KCNJ6: variants seen among roughly 807,000 people sequenced by gnomAD.
KCNJ6 encodes the protein potassium inwardly rectifying channel subfamily J member 6.
A neutral mutation model predicts 34.2 loss-of-function variants in KCNJ6; 9 were observed. The observed-to-expected ratio is 0.26, with a 90% CI of 0.16 to 0.46. The LOEUF is 0.46. Among genes scored for constraint, KCNJ6 ranks in the 20% least tolerant of loss-of-function variants. The pLI is 1.00. For missense variants in KCNJ6, 236 were observed against 531.3 expected (o/e 0.44, Z 5.46); for synonymous variants, 196 against 207.1 (o/e 0.95, Z 0.46).
chr21:37,817,179 G>C (rs769914998), intron 2 of KCNJ6, among the ~76,000 whole-genome samples: 2 of 152,162 alleles, frequency 1.3e-5, no homozygotes, highest in African/African-American at 2.4e-5. Context: ...AACAAAAATG[G>C]CTCTTAGAAT....
chr21:37,904,296 C>CATG (rs1187861557), intron 1 of KCNJ6, among the ~76,000 whole-genome samples: 1 of 152,156 alleles, frequency 6.6e-6, no homozygotes, highest in Non-Finnish European at 1.5e-5. Flanking sequence ...TTGTACTTCC[C>CATG]ATGAGAGCTG....
In KCNJ6 at chr21:37,661,614, G is replaced by GTTTTTTTTT. The variant is rs59026391; in HGVS notation, c.947-36139_947-36131dup. 8.7e-4 allele frequency among the ~76,000 whole-genome samples: 62 copies of GTTTTTTTTT among 71,194 alleles called. 13 individuals carry two copies. The highest frequency in any genetic ancestry group is 1.7e-3 in the African/African-American group (32 of 18,704). 46.7% of individuals were successfully genotyped at this position (71,194 alleles called of 152,430 possible). A position where few individuals can be genotyped will look rare whatever the true frequency, so the allele number is the denominator to read the frequency against. On this transcript the variant is annotated intron_variant, in intron 3 of 3. Transcript: ENST00000609713. ...TCCACCCATTTCCTTAAGAGACATA[G>GTTTTTTTTT]TTTTTTTTTTTTTTTTTTTTTTTTT...
intron 3 of KCNJ6, among the ~76,000 whole-genome samples, chr21:37,684,714 G>A (rs888298473): frequency 5.9e-5 from 9 of 152,218 alleles, no homozygotes; most frequent in Non-Finnish European, 8.8e-5. Context: ...CAGATTATTC[G>A]GTGAAAAGTG....
Position 37,774,182 on chromosome 21 carries a change from G to A in KCNJ6, c.26-59051C>T, listed in dbSNP as rs374539189. ...AGGTTCTGCCCCTTGCTAACTGCTC[G>A]ACCTCAGGTAAGTTTCTTAATCTCT... On this transcript the variant is annotated intron_variant, in intron 2 of 3. Coordinates refer to ENST00000609713, the MANE Select transcript of KCNJ6 (RefSeq NM_002240.5). Among the ~76,000 whole-genome samples, 20 of 152,166 alleles carry A rather than the reference G, an allele frequency of 1.3e-4. No homozygotes were observed. The East Asian group carries it at 2.1e-3, about 16-fold the overall frequency.
intron 2 of KCNJ6, among the ~76,000 whole-genome samples, chr21:37,806,765 T>C (rs1280075346): frequency 6.6e-6 from 1 of 152,234 alleles, no homozygotes; most frequent in Non-Finnish European, 1.5e-5. Context: ...ATGTGTGCAG[T>C]GTATTTTTGC....
chr21:37,898,247 T>C (rs1220361135), intron 1 of KCNJ6, among the ~76,000 whole-genome samples: 2 of 152,246 alleles, frequency 1.3e-5, no homozygotes, highest in Non-Finnish European at 2.9e-5. Context: ...TTACCGGTCA[T>C]GGAAAGTTCT....
chr21:37,905,567 G>C (rs2055837558), intron 1 of KCNJ6, among the ~76,000 whole-genome samples: 1 of 152,156 alleles, frequency 6.6e-6, no homozygotes, highest in Non-Finnish European at 1.5e-5. Flanking sequence ...AAACGCTACT[G>C]TTCTTCCAAG....
At chr21:37,876,541 C>A (rs1214363208) in intron 1 of KCNJ6, among the ~76,000 whole-genome samples, 1 of 151,978 alleles carries the variant, frequency 6.6e-6, no homozygotes, top group East Asian at 1.9e-4. Flanking sequence ...ATTAAAATCA[C>A]CCAAAATAAT....
In KCNJ6 at chr21:37,622,794, GT is replaced by G. The variant is rs1308665366; in HGVS notation, c.*2364del. The G allele has an allele frequency of 6.6e-6, 1 of 152,272 alleles. No individual in the cohort carries two copies. Among genetic ancestry groups the G allele is most frequent in the Non-Finnish European group, 1.5e-5 (1 of 68,070 alleles). 9.4% of individuals were successfully genotyped at this position (152,272 alleles called of 1,614,324 possible). ...TGCTCTTCCAACCAGACACGGGGGT[GT>G]GCGCTGTCCTTTAAACCTTAGCAAT... On this transcript the variant is annotated 3_prime_UTR_variant, in exon 4 of 4. Coordinates refer to ENST00000609713, the MANE Select transcript of KCNJ6 (RefSeq NM_002240.5).
At chr21:37,745,968 A>G (rs928301263) in intron 2 of KCNJ6, among the ~76,000 whole-genome samples, 1 of 152,146 alleles carries the variant, frequency 6.6e-6, no homozygotes, top group African/African-American at 2.4e-5. Flanking sequence ...ACCCAAGCTC[A>G]AGGTGCCGGC....
intron 3 of KCNJ6, among the ~76,000 whole-genome samples, chr21:37,645,017 G>GTTTTTTTTTTTT: frequency 7.6e-6 from 1 of 130,818 alleles, no homozygotes; most frequent in Non-Finnish European, 1.6e-5. Flanking sequence ...AAACAGGTGG[G>GTTTTTTTTTTTT]TTTTTTTTTT....
rs1569429398 is a variant in KCNJ6 at position 37,614,746 on chromosome 21, CTGTATG to C, written c.*10407_*10412del. Reference sequence around the variant, plus strand: ...TGCGTGTGTGTGTATGCGCATGTCTCTGTATGTGTGTGTATGCATGTGTCTGTGTGT... The same window carrying C: ...TGCGTGTGTGTGTATGCGCATGTCTCTGTGTGTATGCATGTGTCTGTGTGT... On this transcript the variant is annotated 3_prime_UTR_variant, in exon 4 of 4. Transcript: ENST00000609713. 3 of 127,122 alleles carry C rather than the reference CTGTATG, an allele frequency of 2.4e-5. No individual in the cohort carries two copies. Among genetic ancestry groups the C allele is most frequent in the Admixed American group, 7.8e-5 (1 of 12,870 alleles). 7.9% of individuals were successfully genotyped at this position (127,122 alleles called of 1,614,324 possible). A position where few individuals can be genotyped will look rare whatever the true frequency, so the allele number is the denominator to read the frequency against.
intron 2 of KCNJ6, among the ~76,000 whole-genome samples, chr21:37,759,242 C>T (rs1199450935): frequency 6.6e-6 from 1 of 152,194 alleles, no homozygotes; most frequent in Non-Finnish European, 1.5e-5. Context: ...GCCACAGGGC[C>T]TCTGTCTTTC....
At chr21:37,748,481 A>G (rs777053312) in intron 2 of KCNJ6, among the ~76,000 whole-genome samples, 1 of 152,172 alleles carries the variant, frequency 6.6e-6, no homozygotes, top group Non-Finnish European at 1.5e-5. Flanking sequence ...TTAGGAATCC[A>G]TCTCTAGAAG....
intron 2 of KCNJ6, among the ~76,000 whole-genome samples, chr21:37,822,749 T>C (rs2123555465): frequency 6.6e-6 from 1 of 152,300 alleles, no homozygotes; most frequent in South Asian, 2.1e-4. Flanking sequence ...TCAGGTTCAC[T>C]GAGGAAAAGA....
intron 2 of KCNJ6, among the ~76,000 whole-genome samples, chr21:37,756,463 G>T (rs1010622281): frequency 6.6e-6 from 1 of 152,186 alleles, no homozygotes; most frequent in Non-Finnish European, 1.5e-5. Context: ...TCTGGGTGAG[G>T]GGTCCAACCC....
intron 1 of KCNJ6, among the ~76,000 whole-genome samples, chr21:37,888,659 G>T (rs1203869481): frequency 6.6e-6 from 1 of 152,250 alleles, no homozygotes; most frequent in Non-Finnish European, 1.5e-5. Flanking sequence ...TCTCCGTGAA[G>T]TTGGAGACCT....
chr21:37,639,200 T>C (rs909238067), intron 3 of KCNJ6, among the ~76,000 whole-genome samples: 1 of 152,224 alleles, frequency 6.6e-6, no homozygotes, highest in African/African-American at 2.4e-5. Context: ...TCTTTTACTC[T>C]ATAAAACCCA....
chr21:37,732,631 ATGGGTTC>A (rs956869517), intron 2 of KCNJ6, among the ~76,000 whole-genome samples: 29 of 152,322 alleles, frequency 1.9e-4, no homozygotes, highest in African/African-American at 7.0e-4. Context: ...CCACCACGTC[ATGGGTTC>A]TCACGACAGA....
Sources: allele counts gnomAD v4.1 joint callset (sites outside exome capture counted in the v4.1 genomes callset), GRCh38; gene constraint gnomAD v4.1.1; transcripts MANE v1.5; gene names NCBI Gene and HGNC (gene_info 2026-07-23, HGNC 2026-07-21).